ANKRD31: variants seen among roughly 807,000 people sequenced by gnomAD.
ANKRD31 encodes the protein ankyrin repeat domain 31.
In ANKRD31, 147 loss-of-function variants were observed where a neutral mutation model predicts 186.0. The observed-to-expected ratio is 0.79, with a 90% CI of 0.69 to 0.91. The LOEUF is 0.91. ANKRD31 is among the 40% of genes least tolerant of loss of function. The pLI, the probability that ANKRD31 is intolerant of heterozygous loss-of-function variation, is 0.00. For missense variants in ANKRD31, 1,986 were observed against 2,148.8 expected (o/e 0.92, Z 1.50); for synonymous variants, 673 against 736.4 (o/e 0.91, Z 1.39).
At chr5:75,139,307 A>C (rs1750835080) in intron 15 of ANKRD31, among the ~76,000 whole-genome samples, 1 of 152,158 alleles carries the variant, frequency 6.6e-6, no homozygotes, top group Non-Finnish European at 1.5e-5. Flanking sequence ...TTCTCAAGAT[A>C]ACTGAGATAT....
At chr5:75,202,929 T>C (rs949652532) in intron 5 of ANKRD31, among the ~76,000 whole-genome samples, 2 of 152,222 alleles carry the variant, frequency 1.3e-5, no homozygotes, top group Admixed American at 6.5e-5. Flanking sequence ...ATAATCCTGG[T>C]GCATGTGGCA....
intron 25 of ANKRD31, among the ~76,000 whole-genome samples, chr5:75,076,961 A>G (rs1333076026): frequency 6.6e-6 from 1 of 152,214 alleles, no homozygotes; most frequent in East Asian, 1.9e-4. Flanking sequence ...TGCTCTAGTT[A>G]TATTGGGAAA....
chr5:75,128,457 T>C (rs1749441155), intron 17 of ANKRD31, among the ~76,000 whole-genome samples: 1 of 49,314 alleles, frequency 2.0e-5, no homozygotes, highest in South Asian at 8.5e-4. Context: ...AACCTGATTT[T>C]CCCACTATGA....
At chr5:75,223,619 C>G (rs1379553914) in intron 2 of ANKRD31, among the ~76,000 whole-genome samples, 1 of 151,900 alleles carries the variant, frequency 6.6e-6, no homozygotes, top group Non-Finnish European at 1.5e-5. Context: ...GAAATATACC[C>G]CCTATAGATC....
intron 9 of ANKRD31, among the ~76,000 whole-genome samples, chr5:75,190,325 T>A (rs1755019412): frequency 6.6e-6 from 1 of 152,180 alleles, no homozygotes; most frequent in Non-Finnish European, 1.5e-5. Flanking sequence ...GTGGCCTGTT[T>A]AGAATTTTTG....
chr5:75,096,611 C>T (rs1746338852), intron 22 of ANKRD31, among the ~76,000 whole-genome samples: 1 of 152,064 alleles, frequency 6.6e-6, no homozygotes, highest in African/African-American at 2.4e-5. Context: ...AGTGGTATTG[C>T]CTAGATTTTC....
At chr5:75,095,356 C>T (rs1373979120) in intron 22 of ANKRD31, among the ~76,000 whole-genome samples, 2 of 152,040 alleles carry the variant, frequency 1.3e-5, no homozygotes, top group African/African-American at 2.4e-5. Context: ...TGCCTGTAGT[C>T]CCAGCTACTC....
At chr5:75,144,203 T>C (rs545040539) in intron 14 of ANKRD31, 32 bp from the exon 15 acceptor site, 2 of 396,392 alleles carry the variant, frequency 5.0e-6, no homozygotes, top group African/African-American at 2.1e-5. Context: ...ATCAGTGTTG[T>C]TGTTCTCCTA....
intron 10 of ANKRD31, among the ~76,000 whole-genome samples, chr5:75,186,384 C>T (rs143920416): frequency 5.3e-5 from 8 of 152,252 alleles, no homozygotes; most frequent in East Asian, 3.9e-4. Flanking sequence ...AAGTATAAAG[C>T]GCACTCCTTT....
chr5:75,225,133 T>G (rs1757556413), intron 2 of ANKRD31, among the ~76,000 whole-genome samples: 1 of 152,144 alleles, frequency 6.6e-6, no homozygotes. Flanking sequence ...TTGGGGGAAA[T>G]ATATGTCAAG....
intron 11 of ANKRD31, among the ~76,000 whole-genome samples, chr5:75,166,608 T>A (rs772845105): frequency 2.0e-4 from 31 of 152,272 alleles, no homozygotes; most frequent in Non-Finnish European, 4.3e-4. Flanking sequence ...CATTTCAACA[T>A]CCCATACACT....
At chr5:75,079,104 C>G (rs1744884387) in intron 25 of ANKRD31, among the ~76,000 whole-genome samples, 1 of 152,216 alleles carries the variant, frequency 6.6e-6, no homozygotes, top group Non-Finnish European at 1.5e-5. Context: ...TGGAGTCCAT[C>G]AATGCATTGA....
In ANKRD31 at chr5:75,102,632, C is replaced by T. The variant is rs149800923; in HGVS notation, c.5331+1596G>A. Among the ~76,000 whole-genome samples, 198 of 152,316 alleles carry T rather than the reference C, an allele frequency of 1.3e-3. 4 individuals carry two copies. In the East Asian group the frequency reaches 0.028, roughly 22 times the overall value. On this transcript the variant is annotated intron_variant, in intron 22 of 25. Coordinates refer to ENST00000506364, the MANE Select transcript of ANKRD31 (RefSeq NM_001372053.1). Reference sequence around the variant, plus strand: ...TTACCTTCTCAAGCCTCAGCAATGGCGGACGCCACTCCCTCAGCCTTACTG... The same window carrying T: ...TTACCTTCTCAAGCCTCAGCAATGGTGGACGCCACTCCCTCAGCCTTACTG...
chr5:75,208,069 G>A, intron 4 of ANKRD31, among the ~76,000 whole-genome samples: 1 of 151,998 alleles, frequency 6.6e-6, no homozygotes, highest in South Asian at 2.1e-4. Context: ...TTTCCAAAAT[G>A]AAAAAAATTA....
chr5:75,236,527 G>A (rs1024354699), intron 1 of ANKRD31, 56 bp downstream of exon 1: 1 of 1,458,740 alleles, frequency 6.9e-7, no homozygotes, highest in African/African-American at 1.4e-5. Flanking sequence ...CCCTCAGAGG[G>A]CACCTGGGCC....
intron 25 of ANKRD31, among the ~76,000 whole-genome samples, chr5:75,079,074 T>A (rs1269611642): frequency 6.6e-6 from 1 of 152,234 alleles, no homozygotes; most frequent in African/African-American, 2.4e-5. Context: ...AATGTGTTAA[T>A]ATACCACATT....
At chr5:75,120,168 G>T (rs971183720) in intron 17 of ANKRD31, among the ~76,000 whole-genome samples, 5 of 152,160 alleles carry the variant, frequency 3.3e-5, no homozygotes, top group Admixed American at 1.3e-4. Context: ...GGCTGAGGCA[G>T]GAAACTGCTT....
rs771813544 is a variant in ANKRD31 at position 75,101,004 on chromosome 5, G to GT, written c.5331+3223dup. On this transcript the variant is annotated intron_variant, in intron 22 of 25. Transcript: ENST00000506364. ...GTTATTTTGCTCGTTAGTTGATGCA[G>GT]TTTTTTCCTAGCATCGACGGTCTTT... 2.6e-5 allele frequency among the ~76,000 whole-genome samples: 4 copies of GT among 152,282 alleles called. No individual in the cohort carries two copies. The South Asian group carries it at 8.3e-4, about 32-fold the overall frequency.
chr5:75,144,877 A>T (rs188769884), intron 14 of ANKRD31, among the ~76,000 whole-genome samples: 129 of 151,898 alleles, frequency 8.5e-4, no homozygotes, highest in Non-Finnish European at 1.4e-3. Context: ...AGAATTTACA[A>T]GGAACAAATT....
Sources: gnomAD v4.1 joint callset for allele counts (sites outside exome capture counted in the v4.1 genomes callset) on GRCh38, gnomAD v4.1.1 for gene constraint, MANE v1.5 for transcripts, NCBI Gene and HGNC (gene_info 2026-07-23, HGNC 2026-07-21) for gene names.